RABGEF1: variants seen among roughly 807,000 people sequenced by gnomAD.
RABGEF1 encodes the protein rab5 GDP/GTP exchange factor.
Under a neutral mutation model 57.3 loss-of-function variants are expected in RABGEF1, and 26 were observed. That is an observed-to-expected ratio of 0.45 (90% CI 0.33 to 0.63). The LOEUF (loss-of-function observed/expected upper bound fraction) is 0.63, where lower values mean the gene tolerates loss of function less well. RABGEF1 is among the 20% of genes least tolerant of loss of function. The pLI is 0.02. For missense variants in RABGEF1, 464 were observed against 607.6 expected, an observed-to-expected ratio of 0.76 and a Z score of 2.48; for synonymous variants, 185 against 210.7, an observed-to-expected ratio of 0.88 and a Z score of 1.06.
the RABGEF1 span, among the ~76,000 whole-genome samples, chr7:66,655,318 C>T: frequency 6.6e-6 from 1 of 152,150 alleles, no homozygotes; most frequent in African/African-American, 2.4e-5. Context: ...GGGAGGGACT[C>T]TGCCGCTTTG....
intron 8 of RABGEF1, among the ~76,000 whole-genome samples, chr7:66,807,673 AG>A (rs1668745723): frequency 6.6e-6 from 1 of 152,128 alleles, no homozygotes; most frequent in South Asian, 2.1e-4. Context: ...TATTCCTTTT[AG>A]TGGCAATGCC....
intron 1 of RABGEF1, among the ~76,000 whole-genome samples, chr7:66,770,656 G>A (rs1418329122): frequency 2.0e-5 from 3 of 152,030 alleles, no homozygotes; most frequent in Admixed American, 2.0e-4. Flanking sequence ...GCTAGTTGTT[G>A]TGTTTTTTGT....
At chr7:66,725,634 C>T (rs535759774) in intron 2 of RABGEF1, among the ~76,000 whole-genome samples, 2 of 152,168 alleles carry the variant, frequency 1.3e-5, no homozygotes, top group Non-Finnish European at 2.9e-5. Flanking sequence ...TTTTATGAGG[C>T]AGATATGACT....
chr7:66,793,838 C>G (rs1373662644), intron 4 of RABGEF1, among the ~76,000 whole-genome samples: 6 of 152,192 alleles, frequency 3.9e-5, no homozygotes. Context: ...GATGGTCAGA[C>G]TGCTGTGGGC....
At chr7:66,758,656 TG>T (rs1195723468) in intron 1 of RABGEF1, among the ~76,000 whole-genome samples, 1 of 152,200 alleles carries the variant, frequency 6.6e-6, no homozygotes, top group Non-Finnish European at 1.5e-5. Context: ...ATATGCTGTC[TG>T]TAGCTGTGAT....
intron 4 of RABGEF1, among the ~76,000 whole-genome samples, chr7:66,789,025 T>C (rs1212827623): frequency 6.6e-6 from 1 of 152,168 alleles, no homozygotes; most frequent in African/African-American, 2.4e-5. Flanking sequence ...TGTACCTGAA[T>C]GAGGACAAAA....
chr7:66,738,137 C>T (rs1190798737), upstream of RABGEF1, among the ~76,000 whole-genome samples: 2 of 151,696 alleles, frequency 1.3e-5, no homozygotes, highest in Non-Finnish European at 2.9e-5. Flanking sequence ...CCTATCACCT[C>T]GGCCTCCAGA....
At chr7:66,740,532 G>GC (rs1285199720), upstream of RABGEF1, 7 of 152,458 alleles carry the variant, frequency 4.6e-5, no homozygotes, top group African/African-American at 1.7e-4. Flanking sequence ...CCCGGAGGCC[G>GC]CCCTCTTCCA....
At chr7:66,728,068 C>T (rs1415126332) in intron 2 of RABGEF1, among the ~76,000 whole-genome samples, 2 of 152,208 alleles carry the variant, frequency 1.3e-5, no homozygotes, top group Non-Finnish European at 2.9e-5. Flanking sequence ...CTCTGCCTGG[C>T]CCTGCCTCCG....
At chr7:66,758,017 G>T (rs566923077) in intron 1 of RABGEF1, among the ~76,000 whole-genome samples, 17 of 152,000 alleles carry the variant, frequency 1.1e-4, no homozygotes, top group Non-Finnish European at 2.4e-4. Context: ...AAAATCACCC[G>T]TAAGTTTTAT....
At chr7:66,679,824 C>G (rs1053725689), upstream of RABGEF1, among the ~76,000 whole-genome samples, 15 of 152,072 alleles carry the variant, frequency 9.9e-5, no homozygotes, top group Non-Finnish European at 1.8e-4. Context: ...GAGTCCAGGA[C>G]TTCGAGACCA....
At chr7:66,794,643 T>C (rs939348824) in intron 4 of RABGEF1, among the ~76,000 whole-genome samples, 1 of 152,224 alleles carries the variant, frequency 6.6e-6, no homozygotes, top group African/African-American at 2.4e-5. Flanking sequence ...CAGTGTGCAC[T>C]GAGTTTCTGA....
intron 5 of RABGEF1, among the ~76,000 whole-genome samples, chr7:66,796,288 TC>T (rs1262204671): frequency 5.3e-5 from 8 of 152,308 alleles, no homozygotes; most frequent in African/African-American, 1.9e-4. Context: ...GATTCAACCT[TC>T]ACTGATACTA....
chr7:66,704,773 T>G (rs975348073), intron 1 of RABGEF1, among the ~76,000 whole-genome samples: 3 of 149,618 alleles, frequency 2.0e-5, no homozygotes. Flanking sequence ...ATTGTGCCAC[T>G]GCACTCCAGC....
At chr7:66,679,903 G>T (rs1458911927), upstream of RABGEF1, among the ~76,000 whole-genome samples, 4 of 152,160 alleles carry the variant, frequency 2.6e-5, no homozygotes, top group Admixed American at 6.6e-5. Flanking sequence ...CTAGCTGAGT[G>T]TGGTGGCACA....
At chr7:66,793,800 G>T (rs1399878376) in intron 4 of RABGEF1, among the ~76,000 whole-genome samples, 2 of 152,062 alleles carry the variant, frequency 1.3e-5, no homozygotes, top group Non-Finnish European at 2.9e-5. Flanking sequence ...GACCCCAAGT[G>T]TCCTGCCATC....
chr7:66,667,307 G>C, the RABGEF1 span: 1 of 152,452 alleles, frequency 6.6e-6, no homozygotes, highest in Non-Finnish European at 1.5e-5. Flanking sequence ...GGTGGGGTGG[G>C]CTGGGGGCTG....
chr7:66,771,806 C>CT (rs1807220101), intron 1 of RABGEF1, 77 bp from the exon 2 acceptor site: 2 of 1,120,414 alleles, frequency 1.8e-6, no homozygotes, highest in Non-Finnish European at 2.4e-6. Context: ...GAATCACTCA[C>CT]TTTTTGTTCA....
intron 1 of RABGEF1, among the ~76,000 whole-genome samples, chr7:66,767,433 C>T (rs2129100423): frequency 6.6e-6 from 1 of 152,268 alleles, no homozygotes; most frequent in South Asian, 2.1e-4. Context: ...TTTCATCACC[C>T]CAAAAAACTT....
Sources: allele counts gnomAD v4.1 joint callset (sites outside exome capture counted in the v4.1 genomes callset), GRCh38; gene constraint gnomAD v4.1.1; transcripts MANE v1.5; gene names NCBI Gene and HGNC (gene_info 2026-07-23, HGNC 2026-07-21).